Variants in HOMER2 observed in about 807,000 individuals in gnomAD.
HOMER2 encodes the protein homer scaffold protein 2.
A neutral mutation model predicts 47.0 loss-of-function variants in HOMER2; 27 were observed. That is an observed-to-expected ratio of 0.57 (90% CI 0.42 to 0.79). HOMER2 has a LOEUF of 0.79. Ranked by LOEUF, HOMER2 falls within the 30% of genes least tolerant of loss-of-function variation. The pLI is 0.00. For synonymous variants in HOMER2, 161 were observed against 163.8 expected, an observed-to-expected ratio of 0.98 and a Z score of 0.13; for missense variants, 443 against 435.0, an observed-to-expected ratio of 1.02 and a Z score of -0.16.
intron 1 of HOMER2, among the ~76,000 whole-genome samples, chr15:82,937,873 T>C (rs2054176315): frequency 6.6e-6 from 1 of 152,182 alleles, no homozygotes; most frequent in Non-Finnish European, 1.5e-5. Context: ...GCTTGGCATG[T>C]TGGCACACCA....
chr15:82,871,949 G>T (rs1158716606), intron 3 of HOMER2, among the ~76,000 whole-genome samples: 2 of 152,162 alleles, frequency 1.3e-5, no homozygotes, highest in African/African-American at 4.8e-5. Context: ...AGGCAGCTGT[G>T]AGTGATTCTC....
chr15:82,931,665 C>T (rs1404148055), intron 1 of HOMER2, among the ~76,000 whole-genome samples: 4 of 152,056 alleles, frequency 2.6e-5, no homozygotes, highest in Admixed American at 1.3e-4. Flanking sequence ...GGTGAAACCC[C>T]GTCTCTACTA....
intron 5 of HOMER2, among the ~76,000 whole-genome samples, chr15:82,857,118 G>A (rs576155981): frequency 1.3e-5 from 2 of 152,144 alleles, no homozygotes; most frequent in East Asian, 3.9e-4. Flanking sequence ...GGGGGGGCGG[G>A]TGTTGAGAGG....
At chr15:82,920,137 T>C (rs1174269993) in intron 1 of HOMER2, among the ~76,000 whole-genome samples, 1 of 152,168 alleles carries the variant, frequency 6.6e-6, no homozygotes, top group African/African-American at 2.4e-5. Flanking sequence ...AGAAGTTCTT[T>C]TCACCAGACT....
chr15:82,864,702 T>C (rs927824134), intron 3 of HOMER2, among the ~76,000 whole-genome samples: 1 of 152,234 alleles, frequency 6.6e-6, no homozygotes, highest in African/African-American at 2.4e-5. Context: ...AGAAATGTGG[T>C]AAAATGTTAA....
In HOMER2 at chr15:82,849,754, G is replaced by C. The variant is rs1340320269; in HGVS notation, c.993C>G (p.Asp331Glu). 5.0e-6 allele frequency: 8 copies of C among 1,613,946 alleles called. No individual in the cohort carries two copies. The highest frequency in any genetic ancestry group is 6.8e-6 in the Non-Finnish European group (8 of 1,179,860). Reference protein sequence around the residue: ...VLDGKIDDLHDFRRGLSKLGT... With the variant: ...VLDGKIDDLHEFRRGLSKLGT... Reference sequence around the variant, plus strand: ...CCAGCTTGGAGAGCCCTCGGCGGAAGTCATGCAGGTCGTCAATCTTCCCGT... The same window carrying C: ...CCAGCTTGGAGAGCCCTCGGCGGAACTCATGCAGGTCGTCAATCTTCCCGT... The change falls in exon 9 of 9, where the codon GAC (aspartate) becomes GAG (glutamate). Residue 331 changes from aspartate to glutamate, a missense_variant. By Grantham distance (45) the Asp-to-Glu change is conservative. Coordinates refer to ENST00000450735, the MANE Select transcript of HOMER2 (RefSeq NM_004839.4).
intron 4 of HOMER2, among the ~76,000 whole-genome samples, chr15:82,863,430 A>G (rs1217564207): frequency 6.6e-6 from 1 of 152,194 alleles, no homozygotes; most frequent in East Asian, 1.9e-4. Context: ...TCTTCACAGT[A>G]TCTCCAAGCA....
chr15:82,896,718 A>G (rs967766597), intron 1 of HOMER2, among the ~76,000 whole-genome samples: 1 of 126,614 alleles, frequency 7.9e-6, no homozygotes, highest in African/African-American at 2.6e-5. Context: ...CCCTGGGCAA[A>G]CAGGGGAGGA....
At chr15:82,944,379 A>G (rs953258266) in intron 1 of HOMER2, among the ~76,000 whole-genome samples, 1 of 152,226 alleles carries the variant, frequency 6.6e-6, no homozygotes, top group African/African-American at 2.4e-5. Flanking sequence ...AGTGCTTAAA[A>G]GACCAGTGGA....
chr15:82,878,337 C>A (rs779765059), intron 2 of HOMER2, among the ~76,000 whole-genome samples: 1 of 152,070 alleles, frequency 6.6e-6, no homozygotes, highest in Non-Finnish European at 1.5e-5. Context: ...CAGTCTTTAA[C>A]CCCCATTTTT....
intron 1 of HOMER2, chr15:82,952,215 G>C: frequency 3.8e-6 from 1 of 261,932 alleles, no homozygotes; most frequent in Non-Finnish European, 5.9e-6. Flanking sequence ...GGGGCGAAGA[G>C]ACCGCGGAAT....
At chr15:82,860,489 G>A (rs2051739364) in intron 4 of HOMER2, among the ~76,000 whole-genome samples, 1 of 152,084 alleles carries the variant, frequency 6.6e-6, no homozygotes, top group Non-Finnish European at 1.5e-5. Context: ...ATTTGCATAT[G>A]TTCACATTTT....
At chr15:82,953,664 G>C (rs960286296), upstream of HOMER2, among the ~76,000 whole-genome samples, 5 of 152,188 alleles carry the variant, frequency 3.3e-5, no homozygotes, top group African/African-American at 1.2e-4. Context: ...ACGAGGTCTG[G>C]AGATCGAGGC....
chr15:82,963,499 CTGAG>C (rs1490255377), intron 1 of HOMER2, among the ~76,000 whole-genome samples: 1 of 152,174 alleles, frequency 6.6e-6, no homozygotes, highest in Non-Finnish European at 1.5e-5. Context: ...CCCATTACTA[CTGAG>C]TAAGAGCCTT....
intron 8 of HOMER2, among the ~76,000 whole-genome samples, 164 bp from the exon 9 acceptor site, chr15:82,850,067 G>C (rs1892765652): frequency 6.6e-6 from 1 of 152,240 alleles, no homozygotes; most frequent in Admixed American, 6.5e-5. Flanking sequence ...CTGTGACCAA[G>C]ACATCAGAAG....
Position 82,880,118 on chromosome 15 carries a change from C to T in HOMER2, c.163-4714G>A, listed in dbSNP as rs186349108. On this transcript the variant is annotated intron_variant, in intron 2 of 8. Transcript: ENST00000450735. The stretch of plus-strand genomic sequence containing the variant: ...GCAGGGGTCAGCAAACTATAACCCT[C>T]AGGCCAAATCTAGCCTATGGCCTGT... 2.6e-5 allele frequency among the ~76,000 whole-genome samples: 4 copies of T among 152,302 alleles called. No individual in the cohort carries two copies. In the East Asian group the frequency reaches 7.7e-4, roughly 29 times the overall value.
chr15:82,883,177 G>A (rs1301200203), intron 2 of HOMER2, among the ~76,000 whole-genome samples: 1 of 4,088 alleles, frequency 2.4e-4, no homozygotes, highest in Admixed American at 2.9e-3. Context: ...AGTTTACTGA[G>A]AATGATGGTT....
intron 1 of HOMER2, among the ~76,000 whole-genome samples, chr15:82,974,712 A>G (rs2030141072): frequency 1.3e-5 from 2 of 152,196 alleles, no homozygotes; most frequent in South Asian, 4.1e-4. Flanking sequence ...CTGTCTCTGA[A>G]GAGTATTCTA....
In HOMER2 at chr15:82,963,290, A is replaced by G. The variant is rs148706183; in HGVS notation, n.83-3982T>C. ...GTTTTTGTAGATATGGGATCTCCCT[A>G]TGTTGCCCACGATGGTCTCAAACAC... is the stretch of plus-strand genomic sequence containing the variant. On this transcript the variant is annotated intron_variant and non_coding_transcript_variant, in intron 1 of 1. Coordinates refer to the HOMER2 transcript ENST00000500334. Among the ~76,000 whole-genome samples the G allele has an allele frequency of 4.0e-5, 6 of 151,796 alleles. No homozygotes were observed. In the East Asian group the frequency reaches 5.8e-4, roughly 15 times the overall value.
Sources: allele counts gnomAD v4.1 joint callset (sites outside exome capture counted in the v4.1 genomes callset), GRCh38; gene constraint gnomAD v4.1.1; transcripts MANE v1.5; gene names NCBI Gene and HGNC (gene_info 2026-07-23, HGNC 2026-07-21).